Variants in SDK1 observed in about 807,000 individuals in gnomAD.
The protein encoded by SDK1 is sidekick cell adhesion molecule 1, also known as protein sidekick-1.
Under a neutral mutation model 245.5 loss-of-function variants are expected in SDK1, and 157 were observed. That is an observed-to-expected ratio of 0.64 (90% CI 0.56 to 0.73). The LOEUF (loss-of-function observed/expected upper bound fraction) is 0.73. Ranked by LOEUF, SDK1 falls within the 30% of genes least tolerant of loss-of-function variation. The pLI is 0.00. For missense variants in SDK1, 3,583 were observed against 3,002.3 expected (o/e 1.19, Z -4.52); for synonymous variants, 1,647 against 1,278.5 (o/e 1.29, Z -6.15).
chr7:4,233,662 G>C (rs1785953014), intron 41 of SDK1, among the ~76,000 whole-genome samples: 1 of 152,162 alleles, frequency 6.6e-6, no homozygotes, highest in Non-Finnish European at 1.5e-5. Context: ...CGGGACGAAA[G>C]GGACACACAT....
In SDK1 at chr7:4,132,312, T is replaced by G. The variant is rs1784884659; in HGVS notation, c.4130-13T>G. The G allele has an allele frequency of 1.3e-6, 2 of 1,599,430 alleles. No individual in the cohort carries two copies. The highest frequency in any genetic ancestry group is 1.7e-5 in the Admixed American group (1 of 59,702). On this transcript the variant is annotated splice_polypyrimidine_tract_variant and intron_variant, in intron 27 of 44. Transcript: ENST00000404826. ...TGTCTTGAGATCTGAATCCCTGTGGTTTTTCCCTTCAGCCCCAGGCCCACC... is the reference window on the plus strand; with the variant it reads ...TGTCTTGAGATCTGAATCCCTGTGGGTTTTCCCTTCAGCCCCAGGCCCACC...
At chr7:4,227,360 T>C (rs1480863231) in intron 40 of SDK1, 2 of 470,980 alleles carry the variant, frequency 4.2e-6, no homozygotes, top group Admixed American at 2.3e-5. Context: ...CAACACGGGC[T>C]TTCTTCGTCA....
At chr7:3,449,672 AT>A (rs1274035850) in intron 1 of SDK1, among the ~76,000 whole-genome samples, 2 of 152,238 alleles carry the variant, frequency 1.3e-5, no homozygotes, top group Non-Finnish European at 2.9e-5. Context: ...TAAATAGCAC[AT>A]TTTGTGAATA....
Position 3,934,499 on chromosome 7 carries a change from A to G in SDK1, c.848-16424A>G, listed in dbSNP as rs778122521. Among the ~76,000 whole-genome samples, 183 of 152,238 alleles carry G rather than the reference A, an allele frequency of 1.2e-3. 1 individual carries two copies. Among genetic ancestry groups the G allele is most frequent in the Non-Finnish European group, 5.9e-4 (40 of 68,050 alleles). On this transcript the variant is annotated intron_variant, in intron 5 of 44. Transcript: ENST00000404826. ...CCCAGAGCTTTCCTGCCTTTCTGAA[A>G]ATGTGCATGCAAAATTCTTGACATG...
At chr7:4,064,310 C>G (rs1207311496) in intron 19 of SDK1, among the ~76,000 whole-genome samples, 2 of 152,046 alleles carry the variant, frequency 1.3e-5, no homozygotes, top group Non-Finnish European at 2.9e-5. Context: ...GTCAACGTGT[C>G]TATGAAAAAA....
At chr7:3,786,671 G>A (rs1246255915) in intron 4 of SDK1, among the ~76,000 whole-genome samples, 1 of 152,200 alleles carries the variant, frequency 6.6e-6, no homozygotes, top group East Asian at 1.9e-4. Flanking sequence ...TTTTTATACA[G>A]TGAGTACGTT....
At chr7:3,741,471 A>G (rs1245356710) in intron 4 of SDK1, among the ~76,000 whole-genome samples, 1 of 152,236 alleles carries the variant, frequency 6.6e-6, no homozygotes, top group East Asian at 1.9e-4. Context: ...TAATCAGAGC[A>G]TGATTAAAAC....
At chr7:3,718,813 G>C (rs1785279288) in intron 4 of SDK1, among the ~76,000 whole-genome samples, 1 of 152,026 alleles carries the variant, frequency 6.6e-6, no homozygotes, top group Admixed American at 6.6e-5. Context: ...AGGCATCCAA[G>C]TTTGAAAGGA....
intron 1 of SDK1, among the ~76,000 whole-genome samples, chr7:3,364,047 G>A (rs1781023077): frequency 6.6e-6 from 1 of 152,154 alleles, no homozygotes; most frequent in Admixed American, 6.5e-5. Flanking sequence ...TTCCCCTAAT[G>A]TTGAACATTG....
chr7:4,049,290 C>A, intron 17 of SDK1, 58 bp from the exon 18 acceptor site: 1 of 1,330,928 alleles, frequency 7.5e-7, no homozygotes, highest in South Asian at 1.2e-5. Context: ...TCTGTCTCTC[C>A]ACCCCATGGT....
intron 2 of SDK1, among the ~76,000 whole-genome samples, chr7:3,628,016 A>C (rs1168215168): frequency 3.3e-5 from 5 of 152,142 alleles, no homozygotes; most frequent in Non-Finnish European, 7.3e-5. Context: ...TTCAAAGTTA[A>C]GGACCAAAGG....
intron 4 of SDK1, among the ~76,000 whole-genome samples, chr7:3,660,368 G>T (rs1562638012): frequency 6.6e-6 from 1 of 151,626 alleles, no homozygotes; most frequent in Admixed American, 6.6e-5. Context: ...GAGTCAACAG[G>T]ACTTGAATTC....
At chr7:3,359,343 C>T (rs914525542) in intron 1 of SDK1, among the ~76,000 whole-genome samples, 9 of 152,132 alleles carry the variant, frequency 5.9e-5, no homozygotes, top group Non-Finnish European at 1.2e-4. Context: ...TACCCACTTG[C>T]ATAGTGAATA....
At chr7:4,120,956 A>G (rs1480165560) in intron 25 of SDK1, among the ~76,000 whole-genome samples, 1 of 151,596 alleles carries the variant, frequency 6.6e-6, no homozygotes, top group Non-Finnish European at 1.5e-5. Flanking sequence ...AAAGAAACCT[A>G]TGGCAAAACT....
chr7:4,042,639 T>C (rs61489118), intron 17 of SDK1, among the ~76,000 whole-genome samples: 15,255 of 150,220 alleles, frequency 0.1, 5,161 homozygotes, highest in African/African-American at 0.3. Context: ...GGGGAGGAAG[T>C]GTCCCTTGAG....
chr7:3,431,630 A>G (rs574118237), intron 1 of SDK1, among the ~76,000 whole-genome samples: 2 of 152,248 alleles, frequency 1.3e-5, no homozygotes, highest in African/African-American at 2.4e-5. Context: ...GTAATCTTTT[A>G]TTGTAATCTA....
At chr7:3,341,116 C>T (rs556749413) in intron 1 of SDK1, among the ~76,000 whole-genome samples, 1 of 152,160 alleles carries the variant, frequency 6.6e-6, no homozygotes, top group South Asian at 2.1e-4. Flanking sequence ...AGGCAATGAT[C>T]CTCAAGAAAA....
intron 4 of SDK1, among the ~76,000 whole-genome samples, chr7:3,766,231 TTAAA>T (rs1471631611): frequency 4.6e-5 from 7 of 152,226 alleles, no homozygotes; most frequent in Non-Finnish European, 8.8e-5. Context: ...TTAGTTAATA[TTAAA>T]TAAGTAAAGT....
intron 4 of SDK1, among the ~76,000 whole-genome samples, chr7:3,760,255 A>T (rs918072048): frequency 2.0e-5 from 3 of 152,112 alleles, no homozygotes; most frequent in Admixed American, 6.6e-5. Context: ...TCAACAGAAG[A>T]CTCAGGTTGT....
Sources: allele counts gnomAD v4.1 joint callset (sites outside exome capture counted in the v4.1 genomes callset), GRCh38; gene constraint gnomAD v4.1.1; transcripts MANE v1.5; gene names NCBI Gene and HGNC (gene_info 2026-07-23, HGNC 2026-07-21).